The following CAMK1D variants were observed in gnomAD, a reference collection of about 807,000 sequenced individuals.
CAMK1D encodes the protein calcium/calmodulin dependent protein kinase ID.
CAMK1D carries 9 observed loss-of-function variants against 47.7 expected under a neutral mutation model. The observed-to-expected ratio is 0.19, with a 90% confidence interval of 0.11 to 0.33. The LOEUF is 0.33. Among genes scored for constraint, CAMK1D ranks in the 10% least tolerant of loss-of-function variants. The pLI is 1.00. For missense variants in CAMK1D, 291 were observed against 488.7 expected (o/e 0.60, Z 3.81); for synonymous variants, 184 against 184.9 (o/e 0.99, Z 0.04).
At chr10:12,460,602 G>A (rs1833394430) in intron 1 of CAMK1D, among the ~76,000 whole-genome samples, 1 of 152,018 alleles carries the variant, frequency 6.6e-6, no homozygotes, top group Non-Finnish European at 1.5e-5. Flanking sequence ...CTGGCTATTT[G>A]TATTTTTAGT....
At chr10:12,750,190 C>T (rs530258839) in intron 3 of CAMK1D, among the ~76,000 whole-genome samples, 6 of 152,196 alleles carry the variant, frequency 3.9e-5, no homozygotes, top group Non-Finnish European at 5.9e-5. Flanking sequence ...TTTTCCCAGG[C>T]GCTGAGTATG....
chr10:12,825,520 C>A (rs1833169445), intron 9 of CAMK1D, 53 bp from the exon 10 acceptor site: 1 of 1,556,180 alleles, frequency 6.4e-7, no homozygotes, highest in Non-Finnish European at 8.8e-7. Flanking sequence ...CAGTTAGAGT[C>A]TTTTCCGATT....
intron 1 of CAMK1D, among the ~76,000 whole-genome samples, chr10:12,479,906 C>G (rs1834012468): frequency 6.6e-6 from 1 of 152,190 alleles, no homozygotes; most frequent in Admixed American, 6.5e-5. Context: ...GTCCACAGTT[C>G]TCAACGACGT....
chr10:12,686,215 C>T (rs1259217128), intron 3 of CAMK1D, among the ~76,000 whole-genome samples: 1 of 152,056 alleles, frequency 6.6e-6, no homozygotes, highest in Non-Finnish European at 1.5e-5. Context: ...AGGAATATGC[C>T]CTGGATGAGG....
chr10:12,736,818 G>A (rs1343191368), intron 3 of CAMK1D, among the ~76,000 whole-genome samples: 2 of 152,152 alleles, frequency 1.3e-5, no homozygotes, highest in Non-Finnish European at 2.9e-5. Context: ...AAACCCACGA[G>A]GAACTGGCAG....
At chr10:12,799,653 C>T (rs1838345351) in intron 6 of CAMK1D, among the ~76,000 whole-genome samples, 1 of 152,178 alleles carries the variant, frequency 6.6e-6, no homozygotes, top group African/African-American at 2.4e-5. Context: ...TGCTTTGTCC[C>T]AGGTGTGCGC....
intron 3 of CAMK1D, among the ~76,000 whole-genome samples, chr10:12,726,030 T>A (rs1257621904): frequency 2.0e-5 from 3 of 152,094 alleles, no homozygotes; most frequent in Non-Finnish European, 4.4e-5. Flanking sequence ...GTATTGGCAT[T>A]ACAGGCATGA....
At chr10:12,421,644 G>T (rs1292820916) in intron 1 of CAMK1D, among the ~76,000 whole-genome samples, 1 of 142,938 alleles carries the variant, frequency 7.0e-6, no homozygotes, top group African/African-American at 2.6e-5. Flanking sequence ...TTCTGCCTCA[G>T]CCTCCCAAGT....
intron 3 of CAMK1D, among the ~76,000 whole-genome samples, chr10:12,688,639 G>C (rs1469738961): frequency 1.3e-5 from 2 of 152,096 alleles, no homozygotes; most frequent in Non-Finnish European, 2.9e-5. Context: ...GGCAGCATTA[G>C]TTTAGCCTCA....
intron 3 of CAMK1D, among the ~76,000 whole-genome samples, chr10:12,743,322 G>C (rs545215872): frequency 2.5e-3 from 372 of 148,342 alleles, no homozygotes; most frequent in Admixed American, 4.0e-3. Flanking sequence ...CCTCCAGCCT[G>C]GGTGACAGGG....
intron 1 of CAMK1D, among the ~76,000 whole-genome samples, chr10:12,502,173 C>A (rs1009224464): frequency 6.6e-6 from 1 of 152,068 alleles, no homozygotes; most frequent in Non-Finnish European, 1.5e-5. Context: ...CAGTCTGGAC[C>A]GAAGGAATGA....
intron 1 of CAMK1D, among the ~76,000 whole-genome samples, chr10:12,405,119 A>T (rs543949032): frequency 6.6e-6 from 1 of 152,262 alleles, no homozygotes; most frequent in African/African-American, 2.4e-5. Context: ...CATTCAACCA[A>T]ATGTGGTTTA....
chr10:12,432,917 C>G (rs1050838185), intron 1 of CAMK1D, among the ~76,000 whole-genome samples: 3 of 152,224 alleles, frequency 2.0e-5, no homozygotes, highest in African/African-American at 7.2e-5. Context: ...CAGGATGACC[C>G]TTTGGGAGAG....
intron 2 of CAMK1D, among the ~76,000 whole-genome samples, chr10:12,631,317 A>G (rs534305635): frequency 1.2e-4 from 19 of 152,276 alleles, no homozygotes; most frequent in Admixed American, 1.0e-3. Flanking sequence ...TGTATTCCAA[A>G]TCAGCTGTCC....
At chr10:12,660,001 T>C (rs1298728297) in intron 2 of CAMK1D, among the ~76,000 whole-genome samples, 1 of 152,216 alleles carries the variant, frequency 6.6e-6, no homozygotes, top group Admixed American at 6.5e-5. Context: ...TCCTCTCTTA[T>C]AATCAGTTTC....
At chr10:12,806,267 A>T (rs1330584088) in intron 6 of CAMK1D, among the ~76,000 whole-genome samples, 1 of 152,216 alleles carries the variant, frequency 6.6e-6, no homozygotes, top group Admixed American at 6.5e-5. Flanking sequence ...ACTAGAATGT[A>T]AATGGCATGA....
chr10:12,597,711 T>G (rs1564435683), intron 2 of CAMK1D, among the ~76,000 whole-genome samples: 2 of 152,210 alleles, frequency 1.3e-5, no homozygotes, highest in South Asian at 4.1e-4. Flanking sequence ...CCAGTTCTTC[T>G]GTACTGGTCT....
chr10:12,387,394 A>ATT, intron 1 of CAMK1D, among the ~76,000 whole-genome samples: 1 of 45,138 alleles, frequency 2.2e-5, no homozygotes, highest in East Asian at 1.1e-3. Context: ...TATATATTAT[A>ATT]TATTTTTATA....
intron 1 of CAMK1D, among the ~76,000 whole-genome samples, chr10:12,420,197 A>T (rs1840001949): frequency 6.6e-6 from 1 of 152,124 alleles, no homozygotes; most frequent in Admixed American, 6.5e-5. Flanking sequence ...TGACCTTGTG[A>T]TCTGTCCGTC....
Sources: allele counts gnomAD v4.1 joint callset (sites outside exome capture counted in the v4.1 genomes callset), GRCh38; gene constraint gnomAD v4.1.1; transcripts MANE v1.5; gene names NCBI Gene and HGNC (gene_info 2026-07-23, HGNC 2026-07-21).